The following HSPA12A variants were observed in gnomAD, a reference collection of about 807,000 sequenced individuals.
The protein encoded by HSPA12A is heat shock 70 kDa protein 12A.
A neutral mutation model predicts 69.2 loss-of-function variants in HSPA12A; 28 were observed. The ratio of observed to expected loss-of-function variants is 0.40; its 90% CI spans 0.30 to 0.55. HSPA12A has a LOEUF of 0.55. Among genes scored for constraint, HSPA12A ranks in the 20% least tolerant of loss-of-function variants. The probability of loss-of-function intolerance (pLI) is 0.38; values close to 1 mark genes in which losing one functional copy is unlikely to be tolerated. For missense variants in HSPA12A, 686 were observed against 900.7 expected (o/e 0.76, Z 3.05); for synonymous variants, 345 against 370.5 (o/e 0.93, Z 0.79).
chr10:116,707,311 C>T (rs1554882618), intron 1 of HSPA12A, 26 bp from the exon 2 acceptor site: 1 of 1,572,328 alleles, frequency 6.4e-7, no homozygotes, highest in African/African-American at 1.3e-5. Context: ...AAGCCGCCTC[C>T]TTAGAAGTGG....
intron 2 of HSPA12A, among the ~76,000 whole-genome samples, chr10:116,789,849 C>A (rs1287958276): frequency 6.6e-6 from 1 of 152,140 alleles, no homozygotes; most frequent in Non-Finnish European, 1.5e-5. Flanking sequence ...TCTCTCCAGA[C>A]TACGGGTCAG....
Position 116,742,438 on chromosome 10 carries a change from C to T in HSPA12A, c.32G>A (p.Gly11Glu). 7.1e-7 allele frequency: 1 copy of T among 1,414,434 alleles called. No homozygotes were observed. Among genetic ancestry groups the T allele is most frequent in the Non-Finnish European group, 9.2e-7 (1 of 1,083,384 alleles). 87.6% of individuals were successfully genotyped at this position (1,414,434 alleles called of 1,614,324 possible). MADKEAGGSDGPRETAPTSAY... is the reference protein window; with the variant it reads MADKEAGGSDEPRETAPTSAY... ...CCGCAGCCTGCGCTCACCTCGGGGC[C>T]CGTCGCTGCCGCCGGCCTCCTTGTC... Residue 11 changes from glycine (G) to glutamate (E), a missense_variant, in exon 1 of 12, where the codon GGG becomes GAG. By Grantham distance (98) the Gly-to-Glu change is moderately conservative (BLOSUM62 -2). Transcript: ENST00000369209.
chr10:116,746,600 G>A (rs7920906), upstream of HSPA12A, among the ~76,000 whole-genome samples: 91,604 of 151,962 alleles, frequency 0.6, 27,788 homozygotes, highest in South Asian at 0.72. Context: ...AAAGGGCCCA[G>A]TAATGATAGG....
rs574272174 is a variant in HSPA12A at position 116,770,585 on chromosome 10, G to A, written c.92-63300C>T. ...AGGCAGCAAGGTGGGGTGGGGGTGA[G>A]GGAGGACTGAGGCAAGGTGGTAGGA... is the stretch of plus-strand genomic sequence containing the variant. On this transcript the variant is annotated intron_variant, in intron 2 of 12. Transcript: ENST00000635765. Among the ~76,000 whole-genome samples, 3 of 152,268 alleles carry A rather than the reference G, an allele frequency of 2.0e-5. No individual in the cohort carries two copies. The South Asian group carries it at 6.2e-4, about 32-fold the overall frequency.
intron 2 of HSPA12A, among the ~76,000 whole-genome samples, chr10:116,785,797 C>G (rs1333196183): frequency 6.6e-6 from 1 of 152,194 alleles, no homozygotes; most frequent in East Asian, 1.9e-4. Context: ...AGCCAGAAGC[C>G]AGGCACCCAC....
chr10:116,698,907 G>C (rs1165483527), intron 4 of HSPA12A, among the ~76,000 whole-genome samples, 168 bp from the exon 5 acceptor site: 7 of 152,128 alleles, frequency 4.6e-5, no homozygotes, highest in African/African-American at 1.7e-4. Flanking sequence ...AATGGGGGCT[G>C]GCAGCAGTGT....
intron 2 of HSPA12A, among the ~76,000 whole-genome samples, chr10:116,777,155 G>A (rs1193713175): frequency 6.6e-6 from 1 of 152,062 alleles, no homozygotes; most frequent in Non-Finnish European, 1.5e-5. Flanking sequence ...TCCCTGCCTC[G>A]TCAACACCCG....
At position 116,799,640 on chromosome 10, in the gene HSPA12A, C is replaced by T. The variant is rs147773245; in HGVS notation, c.91+35295G>A. 1.4e-4 allele frequency among the ~76,000 whole-genome samples: 21 copies of T among 152,330 alleles called. No homozygotes were observed. The East Asian group carries it at 4.1e-3, about 29-fold the overall frequency. ...CTCCTAGCTTTTGGAAATCTCAAAG[C>T]ATGCTGCCCTGGCCTCCAGAGGTGG... is the stretch of plus-strand genomic sequence containing the variant. On this transcript the variant is annotated intron_variant, in intron 2 of 12. Coordinates refer to the HSPA12A transcript ENST00000635765.
intron 1 of HSPA12A, among the ~76,000 whole-genome samples, chr10:116,837,496 A>G (rs922292928): frequency 1.3e-5 from 2 of 152,190 alleles, no homozygotes; most frequent in African/African-American, 4.8e-5. Flanking sequence ...ACTTACTGAC[A>G]AAGAGCACAG....
At chr10:116,743,389 C>T (rs1476869906), upstream of HSPA12A, among the ~76,000 whole-genome samples, 1 of 152,228 alleles carries the variant, frequency 6.6e-6, no homozygotes, top group African/African-American at 2.4e-5. Context: ...CCTTGGCAAA[C>T]GAGGGCAGTA....
intron 2 of HSPA12A, among the ~76,000 whole-genome samples, chr10:116,816,789 T>G (rs1431916647): frequency 6.6e-6 from 1 of 152,200 alleles, no homozygotes; most frequent in Non-Finnish European, 1.5e-5. Context: ...CCTCGCCAGT[T>G]TCTGGTACTA....
intron 2 of HSPA12A, among the ~76,000 whole-genome samples, chr10:116,780,303 T>C (rs1313342257): frequency 6.6e-6 from 1 of 152,084 alleles, no homozygotes; most frequent in Non-Finnish European, 1.5e-5. Context: ...AGGAAATCTA[T>C]AGAGCCCTCC....
At chr10:116,711,120 C>T (rs1301112984) in intron 1 of HSPA12A, among the ~76,000 whole-genome samples, 2 of 152,184 alleles carry the variant, frequency 1.3e-5, no homozygotes, top group Non-Finnish European at 2.9e-5. Flanking sequence ...CAAGTGTAGG[C>T]TGTGTGTCCT....
At chr10:116,792,811 G>T (rs1259121745) in intron 2 of HSPA12A, among the ~76,000 whole-genome samples, 1 of 144,634 alleles carries the variant, frequency 6.9e-6, no homozygotes, top group Non-Finnish European at 1.5e-5. Flanking sequence ...AGAAAAGAAA[G>T]AAAAAGAAAG....
At chr10:116,800,111 GAT>G (rs1387567265) in intron 2 of HSPA12A, among the ~76,000 whole-genome samples, 3 of 152,174 alleles carry the variant, frequency 2.0e-5, no homozygotes, top group African/African-American at 7.2e-5. Flanking sequence ...GAAAATGAGA[GAT>G]GAACAAGCTG....
At chr10:116,754,265 C>T (rs924997001) in intron 2 of HSPA12A, among the ~76,000 whole-genome samples, 1 of 152,120 alleles carries the variant, frequency 6.6e-6, no homozygotes, top group Admixed American at 6.6e-5. Flanking sequence ...ACCCATCCCC[C>T]CTCAGCTCAC....
chr10:116,810,314 G>A (rs1405005762), intron 2 of HSPA12A, among the ~76,000 whole-genome samples: 3 of 152,078 alleles, frequency 2.0e-5, no homozygotes, highest in Non-Finnish European at 4.4e-5. Flanking sequence ...GACCAGCTCA[G>A]CCCCACGCCC....
chr10:116,744,046 G>T (rs547978695), upstream of HSPA12A, among the ~76,000 whole-genome samples: 1 of 152,108 alleles, frequency 6.6e-6, no homozygotes, highest in East Asian at 1.9e-4. Flanking sequence ...TCCTGCCTAC[G>T]TGCCTGCGAC....
chr10:116,748,703 G>T (rs993428310), intron 2 of HSPA12A, among the ~76,000 whole-genome samples: 1 of 152,180 alleles, frequency 6.6e-6, no homozygotes, highest in South Asian at 2.1e-4. Flanking sequence ...CAAAGAGAGA[G>T]AGCTTGTGCA....
Sources: gnomAD v4.1 joint callset for allele counts (sites outside exome capture counted in the v4.1 genomes callset) on GRCh38, gnomAD v4.1.1 for gene constraint, MANE v1.5 for transcripts, NCBI Gene and HGNC (gene_info 2026-07-23, HGNC 2026-07-21) for gene names.